The following EPN2 variants were observed in gnomAD, a reference collection of about 807,000 sequenced individuals.
EPN2 encodes the protein epsin 2.
EPN2 carries 34 observed loss-of-function variants against 61.7 expected under a neutral mutation model. That is an observed-to-expected ratio of 0.55 (90% confidence interval 0.42 to 0.73). The LOEUF (loss-of-function observed/expected upper bound fraction) is 0.73, where lower values mean the gene tolerates loss of function less well. EPN2 is among the 30% of genes least tolerant of loss of function. EPN2 has a pLI of 0.00. For synonymous variants in EPN2, 349 were observed against 353.6 expected (o/e 0.99, Z 0.15); for missense variants, 714 against 839.2 (o/e 0.85, Z 1.84).
chr17:19,290,721 A>AAAAAGG, intron 4 of EPN2, among the ~76,000 whole-genome samples: 1 of 1,830 alleles, frequency 5.5e-4, no homozygotes, highest in African/African-American at 3.8e-3. Context: ...AAAAAGAAAA[A>AAAAAGG]AAAAGAAAAA....
chr17:19,280,374 C>T (rs1160945221), intron 1 of EPN2, among the ~76,000 whole-genome samples: 1 of 152,118 alleles, frequency 6.6e-6, no homozygotes, highest in Non-Finnish European at 1.5e-5. Flanking sequence ...TTTGTGAGGC[C>T]CATCGTATCT....
Position 19,334,011 on chromosome 17 carries a change from G to C in EPN2, c.1683G>C (p.Pro561=). The change falls in exon 11 of 11, where the codon CCG becomes CCC. Residue 561 remains proline, a synonymous_variant. Transcript: ENST00000314728. The surrounding 1 kb of genome is among the most constrained non-coding windows in gnomAD (Gnocchi z 4.9). ...CTTTCCAGGTGAACCAGCCCCAGCC[G>C]CTGACACTGAACCAGCTTCGGGGGA... The part of the protein sequence containing the change: ...VNPFQVNQPQ[P]LTLNQLRGSP... 1 of 1,593,212 alleles carries C rather than the reference G, an allele frequency of 6.3e-7. No individual in the cohort carries two copies. Among genetic ancestry groups the C allele is most frequent in the Non-Finnish European group, 8.6e-7 (1 of 1,166,828 alleles).
chr17:19,311,869 G>C (rs1409697010), intron 5 of EPN2, among the ~76,000 whole-genome samples, 183 bp from the exon 6 acceptor site: 1 of 152,260 alleles, frequency 6.6e-6, no homozygotes, highest in Non-Finnish European at 1.5e-5. Context: ...GTCGCCATGA[G>C]GGAGGGGCCT....
chr17:19,308,374 C>G (rs756431322), intron 4 of EPN2: 123 of 985,242 alleles, frequency 1.2e-4, no homozygotes, highest in Non-Finnish European at 1.4e-4. Flanking sequence ...ATGCCCGGCA[C>G]AATTAGAACA....
chr17:19,262,948 T>A (rs966081361), intron 1 of EPN2, among the ~76,000 whole-genome samples: 32 of 152,246 alleles, frequency 2.1e-4, no homozygotes, highest in African/African-American at 7.7e-4. Flanking sequence ...TAATATTCCA[T>A]TGTGTGGATA....
At chr17:19,312,859 G>C (rs1906210882) in intron 6 of EPN2, 1 of 467,408 alleles carries the variant, frequency 2.1e-6, no homozygotes, top group Admixed American at 4.0e-5. Context: ...GGAAAAGTCT[G>C]TTGAGCCCTG....
chr17:19,273,809 T>C (rs1429715378), intron 1 of EPN2, among the ~76,000 whole-genome samples: 1 of 152,268 alleles, frequency 6.6e-6, no homozygotes, highest in Non-Finnish European at 1.5e-5. Flanking sequence ...TTCATTTCTC[T>C]ACGGGATGAG....
intron 1 of EPN2, among the ~76,000 whole-genome samples, chr17:19,281,490 C>A (rs1386090199): frequency 6.6e-6 from 1 of 152,140 alleles, no homozygotes; most frequent in African/African-American, 2.4e-5. Context: ...CTTCTGCCAC[C>A]TTTTGTTTAC....
At chr17:19,322,823 G>A (rs1179256111) in intron 7 of EPN2, among the ~76,000 whole-genome samples, 9 of 152,018 alleles carry the variant, frequency 5.9e-5, no homozygotes, top group African/African-American at 2.2e-4. Context: ...GAGACGAGAA[G>A]GCATGAAGCT....
chr17:19,328,965 C>T, intron 8 of EPN2, 78 bp downstream of exon 8: 4 of 1,354,658 alleles, frequency 3.0e-6, no homozygotes, highest in Non-Finnish European at 4.1e-6. Flanking sequence ...GGCTCCTAGG[C>T]ATCAGCCCTG....
Position 19,285,465 on chromosome 17 carries a change from G to T in EPN2, c.596-155G>T, listed in dbSNP as rs1659150431. Among the ~76,000 whole-genome samples the T allele has an allele frequency of 6.6e-6, 1 of 152,234 alleles. No homozygotes were observed. Among genetic ancestry groups the T allele is most frequent in the Non-Finnish European group, 1.5e-5 (1 of 68,038 alleles). ...CCTTACGCTTGAGCTGCATGTTCAG[G>T]GTCAGAATGTGGTCAGTGGGCTTTT... On this transcript the variant is annotated intron_variant, in intron 3 of 10. Coordinates refer to ENST00000314728, the MANE Select transcript of EPN2 (RefSeq NM_014964.5). This position sits in a 1 kb window ranked among gnomAD's most constrained non-coding sequence, Gnocchi z 4.5.
At chr17:19,249,754 C>T (rs1022474900) in intron 1 of EPN2, among the ~76,000 whole-genome samples, 8 of 152,190 alleles carry the variant, frequency 5.3e-5, no homozygotes, top group African/African-American at 1.7e-4. Context: ...CAAATTGCCA[C>T]AAATGCAGTG....
At chr17:19,257,888 T>A (rs897709044) in intron 1 of EPN2, 4 of 152,202 alleles carry the variant, frequency 2.6e-5, no homozygotes, top group African/African-American at 9.7e-5. Flanking sequence ...GTAGCCATCA[T>A]GGGATGGCTC....
chr17:19,276,904 T>C (rs1033045828), intron 1 of EPN2, among the ~76,000 whole-genome samples: 7 of 151,746 alleles, frequency 4.6e-5, no homozygotes, highest in Middle Eastern at 3.4e-3. Context: ...CATAAGAAAT[T>C]ATTGTGAGCT....
At chr17:19,310,655 G>C (rs1018443626) in intron 5 of EPN2, among the ~76,000 whole-genome samples, 2 of 120,698 alleles carry the variant, frequency 1.7e-5, no homozygotes, top group East Asian at 5.8e-4. Flanking sequence ...TTGGCTCCCT[G>C]AGACCTCCGC....
chr17:19,251,652 T>A (rs2045017027), intron 1 of EPN2, among the ~76,000 whole-genome samples: 1 of 152,132 alleles, frequency 6.6e-6, no homozygotes, highest in Admixed American at 6.6e-5. Flanking sequence ...CAGGCTGGTT[T>A]TGAACTGCTG....
Position 19,237,375 on chromosome 17 carries a change from G to C in EPN2, c.-450G>C. The stretch of plus-strand genomic sequence containing the variant: ...GCCTGAGGGCGCGCGCACGCGTCCG[G>C]CGCGCCCCCTCCCGGCCGCCATGTT... On this transcript the variant is annotated 5_prime_UTR_variant, in exon 1 of 11. Coordinates refer to ENST00000314728, the MANE Select transcript of EPN2 (RefSeq NM_014964.5). 1 of 152,028 alleles carries C rather than the reference G, an allele frequency of 6.6e-6. No homozygotes were observed. The highest frequency in any genetic ancestry group is 1.5e-5 in the Non-Finnish European group (1 of 68,088). The allele number at this position is 152,028 out of a possible 1,614,324, so 9.4% of individuals were successfully genotyped here.
intron 1 of EPN2, among the ~76,000 whole-genome samples, chr17:19,259,484 T>G (rs2045117352): frequency 6.6e-6 from 1 of 152,034 alleles, no homozygotes; most frequent in Non-Finnish European, 1.5e-5. Context: ...GGCTAACTTT[T>G]TGTATTTTTA....
chr17:19,270,331 A>G (rs1195366471), intron 1 of EPN2, among the ~76,000 whole-genome samples: 1 of 152,220 alleles, frequency 6.6e-6, no homozygotes, highest in African/African-American at 2.4e-5. Context: ...TGCCAGCTGC[A>G]GAGGAGAAGG....
Sources: allele counts gnomAD v4.1 joint callset (sites outside exome capture counted in the v4.1 genomes callset), GRCh38; gene constraint gnomAD v4.1.1; non-coding constraint Gnocchi (gnomAD v3.1); transcripts MANE v1.5; gene names NCBI Gene and HGNC (gene_info 2026-07-23, HGNC 2026-07-21).